KAT14: variants seen among roughly 807,000 people sequenced by gnomAD.
KAT14 encodes the protein lysine acetyltransferase 14, also known as cysteine-rich protein 2-binding protein.
In KAT14, 66 loss-of-function variants were observed where a neutral mutation model predicts 78.4. The ratio of observed to expected loss-of-function variants is 0.84; its 90% CI spans 0.69 to 1.03. The LOEUF is 1.03. Ranked by LOEUF, KAT14 falls within the 50% of genes least tolerant of loss-of-function variation. The probability of loss-of-function intolerance (pLI) is 0.00; values close to 1 mark genes in which losing one functional copy is unlikely to be tolerated. For synonymous variants in KAT14, 344 were observed against 359.4 expected, an observed-to-expected ratio of 0.96 and a Z score of 0.48; for missense variants, 870 against 972.5, an observed-to-expected ratio of 0.89 and a Z score of 1.40.
chr20:18,178,271 A>G (rs943325802), intron 7 of KAT14, among the ~76,000 whole-genome samples: 1 of 152,236 alleles, frequency 6.6e-6, no homozygotes, highest in African/African-American at 2.4e-5. Context: ...AGAAATTTAC[A>G]TAAGTAACAA....
intron 7 of KAT14, among the ~76,000 whole-genome samples, chr20:18,164,362 C>G (rs1213950961): frequency 6.6e-6 from 1 of 152,098 alleles, no homozygotes; most frequent in Non-Finnish European, 1.5e-5. Flanking sequence ...AGATCATTTC[C>G]TAGATGTGGG....
chr20:18,153,454 G>GA (rs1281001482), intron 4 of KAT14, among the ~76,000 whole-genome samples: 2 of 152,146 alleles, frequency 1.3e-5, no homozygotes, highest in Non-Finnish European at 1.5e-5. Flanking sequence ...ATAAGAAAGG[G>GA]AAAAAACTGA....
chr20:18,138,400 G>T (rs35938148), intron 1 of KAT14: 338,104 of 1,030,522 alleles, frequency 0.33, 57,135 homozygotes, highest in Non-Finnish European at 0.35. Flanking sequence ...GGCCCGCAGG[G>T]TGCGGACCTT....
intron 7 of KAT14, among the ~76,000 whole-genome samples, chr20:18,165,955 T>C (rs1393292390): frequency 6.6e-6 from 1 of 152,156 alleles, no homozygotes; most frequent in African/African-American, 2.4e-5. Context: ...GAAGACAAGC[T>C]GAGCGTAGAT....
chr20:18,180,260 G>A (rs1359148542), intron 7 of KAT14, among the ~76,000 whole-genome samples: 1 of 152,136 alleles, frequency 6.6e-6, no homozygotes, highest in Admixed American at 6.5e-5. Flanking sequence ...CAGATCTCTA[G>A]GGCAGGGCAA....
rs543748260 is a variant in KAT14 at position 18,183,102 on chromosome 20, T to A, written c.1806-21T>A. 4.3e-5 allele frequency: 69 copies of A among 1,586,250 alleles called. No individual in the cohort carries two copies. In the South Asian group the frequency reaches 6.7e-4, roughly 15 times the overall value. On this transcript the variant is annotated intron_variant, in intron 8 of 10. Coordinates refer to ENST00000688188, the MANE Select transcript of KAT14 (RefSeq NM_001392073.1). ...GGTATTTTTCTTGACTTGAATTTGT[T>A]TATCTTCTGTGGTACCGGAGGCGTG...
chr20:18,171,802 ACT>A lies in KAT14; in HGVS notation c.1668+8860_1668+8861del, dbSNP rs766121850. ...ACTGTAGCCTAGGCAACAGGGCAAG[ACT>A]CTGTCTCAAAAAAACCAATATCTTT... is the stretch of plus-strand genomic sequence containing the variant. On this transcript the variant is annotated intron_variant, in intron 7 of 10. Transcript: ENST00000688188. 5.3e-5 allele frequency among the ~76,000 whole-genome samples: 8 copies of A among 152,212 alleles called. No individual in the cohort carries two copies. In the East Asian group the frequency reaches 1.5e-3, roughly 29 times the overall value.
chr20:18,142,066 A>G (rs2037607623), intron 1 of KAT14, 142 bp from the exon 2 acceptor site: 1 of 854,234 alleles, frequency 1.2e-6, no homozygotes, highest in Admixed American at 3.3e-5. Flanking sequence ...ACATTTGTAC[A>G]GAAAATTAAA....
intron 7 of KAT14, among the ~76,000 whole-genome samples, chr20:18,177,823 T>C (rs2039099989): frequency 6.6e-6 from 1 of 152,216 alleles, no homozygotes. Context: ...TGTTAGTACA[T>C]GACTGAGAGC....
chr20:18,139,439 C>T (rs1047734374), intron 1 of KAT14, among the ~76,000 whole-genome samples: 7 of 152,054 alleles, frequency 4.6e-5, no homozygotes, highest in African/African-American at 1.7e-4. Context: ...CAAATGTTCC[C>T]GGAAAGTTTT....
At chr20:18,173,461 T>C (rs2038925335) in intron 7 of KAT14, among the ~76,000 whole-genome samples, 1 of 152,236 alleles carries the variant, frequency 6.6e-6, no homozygotes, top group African/African-American at 2.4e-5. Context: ...CTTGTTAGGC[T>C]GGAGGAATGA....
At chr20:18,149,008 T>C (rs890561640) in intron 3 of KAT14, among the ~76,000 whole-genome samples, 16 of 152,160 alleles carry the variant, frequency 1.1e-4, no homozygotes, top group Non-Finnish European at 1.9e-4. Context: ...TAAGTGATAA[T>C]AGAAAAAGTT....
chr20:18,186,101 C>T (rs949040013), intron 10 of KAT14, among the ~76,000 whole-genome samples: 2 of 152,060 alleles, frequency 1.3e-5, no homozygotes, highest in Non-Finnish European at 2.9e-5. Flanking sequence ...AGACAGGGCA[C>T]GAATAGTACT....
Position 18,174,702 on chromosome 20 carries a change from C to T in KAT14, c.1669-7008C>T, listed in dbSNP as rs201889858. ...TTTTGAGGTGGATTTTTACTGTTGT[C>T]GCCCAGGCTGGAGTATAGTGATGCG... On this transcript the variant is annotated intron_variant, in intron 7 of 10. Coordinates refer to ENST00000688188, the MANE Select transcript of KAT14 (RefSeq NM_001392073.1). 6.4e-5 allele frequency among the ~76,000 whole-genome samples: 9 copies of T among 141,476 alleles called. No homozygotes were observed. In the East Asian group the frequency reaches 1.1e-3, roughly 17 times the overall value. 92.8% of individuals were successfully genotyped at this position (141,476 alleles called of 152,430 possible). A position where few individuals can be genotyped will look rare whatever the true frequency, so the allele number is the denominator to read the frequency against.
intron 1 of KAT14, among the ~76,000 whole-genome samples, chr20:18,141,681 C>T (rs375744621): frequency 6.6e-6 from 1 of 152,086 alleles, no homozygotes; most frequent in African/African-American, 2.4e-5. Flanking sequence ...ATCAGGAGTT[C>T]GAGACCAGCT....
intron 9 of KAT14, 79 bp from the exon 10 acceptor site, chr20:18,184,523 A>G: frequency 7.9e-7 from 1 of 1,262,162 alleles, no homozygotes; most frequent in Non-Finnish European, 1.1e-6. Flanking sequence ...GTGTAGCTAT[A>G]TGTACATGCT....
intron 1 of KAT14, chr20:18,138,320 G>A (rs1325548698): frequency 1.4e-4 from 167 of 1,153,156 alleles, no homozygotes; most frequent in Non-Finnish European, 1.7e-4. Flanking sequence ...CGCTGAAGGG[G>A]CCTTGCTCCG....
At chr20:18,142,993 C>T in intron 2 of KAT14, 74 bp downstream of exon 2, 7 of 1,564,286 alleles carry the variant, frequency 4.5e-6, no homozygotes, top group East Asian at 2.3e-5. Flanking sequence ...GTGAAAGAAA[C>T]GTGAATGTAA....
chr20:18,151,260 G>C (rs1226122491), intron 4 of KAT14, among the ~76,000 whole-genome samples: 4 of 152,050 alleles, frequency 2.6e-5, no homozygotes, highest in African/African-American at 9.7e-5. Context: ...GCAGTGGCGT[G>C]ATCTCGGCAC....
Sources: allele counts gnomAD v4.1 joint callset (sites outside exome capture counted in the v4.1 genomes callset), GRCh38; gene constraint gnomAD v4.1.1; transcripts MANE v1.5; gene names NCBI Gene and HGNC (gene_info 2026-07-23, HGNC 2026-07-21).